The following PLA2G5 variants were observed in gnomAD, a reference collection of about 807,000 sequenced individuals.
The protein encoded by PLA2G5 is phospholipase A2 group V.
A neutral mutation model predicts 15.9 loss-of-function variants in PLA2G5; 12 were observed. That is an observed-to-expected ratio of 0.76 (90% confidence interval 0.48 to 1.23). The LOEUF is 1.23. Among genes scored for constraint, PLA2G5 ranks in the 50% most tolerant of loss-of-function variants. The pLI, the probability that PLA2G5 is intolerant of heterozygous loss-of-function variation, is 0.00. For missense variants in PLA2G5, 169 were observed against 177.1 expected (o/e 0.95, Z 0.26); for synonymous variants, 71 against 71.4 (o/e 0.99, Z 0.03).
intron 1 of PLA2G5, among the ~76,000 whole-genome samples, chr1:20,073,935 A>C (rs1235030122): frequency 1.3e-5 from 2 of 152,118 alleles, no homozygotes; most frequent in Non-Finnish European, 2.9e-5. Context: ...GAACAAGATG[A>C]ACATGTTTCC....
chr1:20,058,688 G>A (rs1241135732), intron 1 of PLA2G5, among the ~76,000 whole-genome samples: 1 of 152,152 alleles, frequency 6.6e-6, no homozygotes, highest in Non-Finnish European at 1.5e-5. Flanking sequence ...AGTACAGTGT[G>A]TAGGAGGGGT....
intron 2 of PLA2G5, among the ~76,000 whole-genome samples, chr1:20,085,369 G>C (rs910113209): frequency 2.0e-5 from 3 of 152,102 alleles, no homozygotes; most frequent in African/African-American, 7.2e-5. Flanking sequence ...CCGACAGGCT[G>C]TCCTGCTCCT....
chr1:20,086,285 A>C, intron 3 of PLA2G5, 58 bp downstream of exon 3: 1 of 1,533,770 alleles, frequency 6.5e-7, no homozygotes. Context: ...ATGTTTTCTT[A>C]TTCAATTCCA....
At chr1:20,079,306 T>C (rs2015876749) in intron 1 of PLA2G5, among the ~76,000 whole-genome samples, 1 of 152,140 alleles carries the variant, frequency 6.6e-6, no homozygotes, top group Non-Finnish European at 1.5e-5. Context: ...CTCTAAGTTA[T>C]AAATTTAAGA....
intron 4 of PLA2G5, 36 bp downstream of exon 4, chr1:20,089,931 A>G: frequency 1.4e-6 from 2 of 1,480,540 alleles, no homozygotes; most frequent in Non-Finnish European, 1.9e-6. Flanking sequence ...CCATTGGAAG[A>G]GCACCTGACT....
At chr1:20,072,136 C>T (rs1569775776) in intron 1 of PLA2G5, among the ~76,000 whole-genome samples, 1 of 152,134 alleles carries the variant, frequency 6.6e-6, no homozygotes, top group Non-Finnish European at 1.5e-5. Context: ...GCCACTCCCA[C>T]CATCAACAGT....
chr1:20,075,382 G>A (rs1359557033), intron 1 of PLA2G5, among the ~76,000 whole-genome samples: 3 of 152,144 alleles, frequency 2.0e-5, no homozygotes, highest in Admixed American at 1.3e-4. Context: ...TCACTTGGGG[G>A]CATGTCCCAC....
chr1:20,033,538 A>T (rs2013084194), intron 1 of PLA2G5, among the ~76,000 whole-genome samples: 1 of 152,092 alleles, frequency 6.6e-6, no homozygotes, highest in Non-Finnish European at 1.5e-5. Context: ...TTGGTTAGAG[A>T]GTGAGTTTCT....
At chr1:20,084,291 T>C (rs2016177408) in intron 1 of PLA2G5, among the ~76,000 whole-genome samples, 1 of 152,128 alleles carries the variant, frequency 6.6e-6, no homozygotes, top group African/African-American at 2.4e-5. Flanking sequence ...ACCATCAGGG[T>C]AGACATCCTT....
At chr1:20,043,362 G>A (rs2013721084) in intron 1 of PLA2G5, among the ~76,000 whole-genome samples, 1 of 152,212 alleles carries the variant, frequency 6.6e-6, no homozygotes, top group East Asian at 1.9e-4. Flanking sequence ...GGCTTTAGGA[G>A]GCCATGCTGT....
chr1:20,081,284 C>T (rs1052531177), intron 1 of PLA2G5, among the ~76,000 whole-genome samples: 3 of 151,926 alleles, frequency 2.0e-5, no homozygotes, highest in African/African-American at 7.3e-5. Flanking sequence ...GCTCTCCACT[C>T]TTCGGGGCAG....
At chr1:20,050,552 A>G (rs555191407) in intron 1 of PLA2G5, among the ~76,000 whole-genome samples, 94 of 152,348 alleles carry the variant, frequency 6.2e-4, no homozygotes, top group Middle Eastern at 3.4e-3. Flanking sequence ...CAACTTTTTA[A>G]TAAAGGTTAT....
chr1:20,051,900 C>T (rs1208334077), intron 1 of PLA2G5, among the ~76,000 whole-genome samples: 1 of 152,076 alleles, frequency 6.6e-6, no homozygotes, highest in Non-Finnish European at 1.5e-5. Flanking sequence ...AGGAATTCAC[C>T]CAATTCAAGT....
chr1:20,041,439 A>G (rs1478108800), intron 1 of PLA2G5, among the ~76,000 whole-genome samples: 2 of 152,180 alleles, frequency 1.3e-5, no homozygotes, highest in Non-Finnish European at 2.9e-5. Context: ...TGGAAAATCT[A>G]TTTTAAGTAT....
chr1:20,034,691 C>T lies in PLA2G5; in HGVS notation n.276+5982C>T, dbSNP rs554513468. ...GAGGGGTTTTGGAGAGTTATTTTGACTGGGATGTGATGTTTGGCTATTGTG... is the reference window on the plus strand; with the variant it reads ...GAGGGGTTTTGGAGAGTTATTTTGATTGGGATGTGATGTTTGGCTATTGTG... On this transcript the variant is annotated intron_variant and non_coding_transcript_variant, in intron 1 of 6. Transcript: ENST00000460175. 2.0e-4 allele frequency among the ~76,000 whole-genome samples: 31 copies of T among 152,190 alleles called. No individual in the cohort carries two copies. In the South Asian group the frequency reaches 6.2e-3, roughly 31 times the overall value.
chr1:20,036,663 A>G (rs2013263331), intron 1 of PLA2G5, among the ~76,000 whole-genome samples: 1 of 151,594 alleles, frequency 6.6e-6, no homozygotes, highest in Non-Finnish European at 1.5e-5. Flanking sequence ...TATTTTTTAA[A>G]TTTCTTTCTT....
chr1:20,069,316 T>C (rs2015214357), upstream of PLA2G5, among the ~76,000 whole-genome samples: 1 of 152,184 alleles, frequency 6.6e-6, no homozygotes, highest in Non-Finnish European at 1.5e-5. Context: ...CAAATCCAAA[T>C]TGGTGAGTAT....
In PLA2G5 at chr1:20,090,768, G is replaced by C. The variant is rs2016531741; in HGVS notation, c.*76G>C. On this transcript the variant is annotated 3_prime_UTR_variant, in exon 5 of 5. Coordinates refer to ENST00000375108, the MANE Select transcript of PLA2G5 (RefSeq NM_000929.3). ...CAACACAGAGTACTGACTCTGCCTG[G>C]TTCCTGAGAGAGGCTCCTAAGTCAC... 2 of 1,495,814 alleles carry C rather than the reference G, an allele frequency of 1.3e-6. No homozygotes were observed. Among genetic ancestry groups the C allele is most frequent in the Non-Finnish European group, 1.9e-6 (2 of 1,077,330 alleles). The allele number at this position is 1,495,814 out of a possible 1,614,324, so 92.7% of individuals were successfully genotyped here.
At chr1:20,083,825 A>G (rs2016155617) in intron 1 of PLA2G5, among the ~76,000 whole-genome samples, 1 of 151,704 alleles carries the variant, frequency 6.6e-6, no homozygotes, top group Admixed American at 6.6e-5. Context: ...AAGGTCCCTG[A>G]GCTTTCTGAG....
Sources: allele counts gnomAD v4.1 joint callset (sites outside exome capture counted in the v4.1 genomes callset), GRCh38; gene constraint gnomAD v4.1.1; transcripts MANE v1.5; gene names NCBI Gene and HGNC (gene_info 2026-07-23, HGNC 2026-07-21).